CHODL: variants seen among roughly 807,000 people sequenced by gnomAD.
CHODL encodes transmembrane protein MT75.
In CHODL, 29 loss-of-function variants were observed where a neutral mutation model predicts 34.5. The ratio of observed to expected loss-of-function variants is 0.84; its 90% CI spans 0.63 to 1.15. CHODL has a LOEUF of 1.15. Ranked by LOEUF, CHODL falls within the 50% of genes most tolerant of loss-of-function variation. The probability of loss-of-function intolerance (pLI) is 0.00; values close to 1 mark genes in which losing one functional copy is unlikely to be tolerated. For missense variants in CHODL, 332 were observed against 332.5 expected (o/e 1.00, Z 0.01); for synonymous variants, 125 against 116.1 (o/e 1.08, Z -0.49).
intron 1 of CHODL, among the ~76,000 whole-genome samples, chr21:18,248,734 T>TAC (rs2074185844): frequency 8.3e-6 from 1 of 120,558 alleles, no homozygotes; most frequent in Non-Finnish European, 1.6e-5. Flanking sequence ...ATGTATATAA[T>TAC]ATATATGTAT....
upstream of CHODL, among the ~76,000 whole-genome samples, chr21:18,243,655 C>G (rs935686095): frequency 7.9e-5 from 12 of 151,842 alleles, no homozygotes; most frequent in Non-Finnish European, 1.6e-4. Context: ...TCTGGAATAG[C>G]TGGGACTCCA....
At chr21:18,121,762 C>T (rs1485207049) in intron 2 of CHODL, among the ~76,000 whole-genome samples, 4 of 152,058 alleles carry the variant, frequency 2.6e-5, no homozygotes, top group African/African-American at 7.2e-5. Flanking sequence ...GTTTTTAACT[C>T]TCTAACCACT....
intron 2 of CHODL, among the ~76,000 whole-genome samples, chr21:18,132,437 C>T (rs138111147): frequency 1.8e-4 from 27 of 152,258 alleles, no homozygotes; most frequent in African/African-American, 5.8e-4. Context: ...CCTTGGAAGG[C>T]ACTCAGCCTG....
chr21:17,967,094 A>G (rs2063578459), intron 1 of CHODL, among the ~76,000 whole-genome samples: 1 of 152,082 alleles, frequency 6.6e-6, no homozygotes, highest in African/African-American at 2.4e-5. Context: ...CATGTTGACC[A>G]TGCTAGTCTC....
intron 2 of CHODL, among the ~76,000 whole-genome samples, chr21:18,238,586 A>G (rs913464669): frequency 2.0e-5 from 3 of 152,018 alleles, no homozygotes; most frequent in Non-Finnish European, 4.4e-5. Context: ...AACCATACCA[A>G]TGTGGTTATG....
At chr21:18,264,623 A>AG (rs1555887582) in intron 5 of CHODL, among the ~76,000 whole-genome samples, 6 of 138,478 alleles carry the variant, frequency 4.3e-5, no homozygotes, top group Non-Finnish European at 6.1e-5. Context: ...AAAAAAAAAA[A>AG]AGAGAGAGAG....
chr21:18,174,121 G>T (rs1601104624), intron 2 of CHODL, among the ~76,000 whole-genome samples: 2 of 60,870 alleles, frequency 3.3e-5, no homozygotes, highest in South Asian at 5.9e-4. Context: ...ATATATCTTG[G>T]TGTATATATA....
At chr21:18,138,469 ATG>A (rs373678117) in intron 2 of CHODL, among the ~76,000 whole-genome samples, 72 of 152,322 alleles carry the variant, frequency 4.7e-4, no homozygotes, top group African/African-American at 1.6e-3. Flanking sequence ...ATCAATTAAA[ATG>A]TGACAGCTTT....
At chr21:17,942,414 A>G (rs2146332175) in intron 1 of CHODL, among the ~76,000 whole-genome samples, 1 of 152,240 alleles carries the variant, frequency 6.6e-6, no homozygotes, top group East Asian at 1.9e-4. Flanking sequence ...TCCCTGCACA[A>G]GCTCTCTTGT....
At chr21:18,156,545 G>A (rs1319358697) in intron 2 of CHODL, among the ~76,000 whole-genome samples, 2 of 152,096 alleles carry the variant, frequency 1.3e-5, no homozygotes, top group Non-Finnish European at 2.9e-5. Flanking sequence ...AAATTTGGAG[G>A]AACCTGATTT....
At chr21:17,968,744 G>A (rs11910306) in intron 1 of CHODL, among the ~76,000 whole-genome samples, 23,716 of 151,992 alleles carry the variant, frequency 0.16, 2,159 homozygotes, top group Middle Eastern at 0.27. Flanking sequence ...AGTTCATCTG[G>A]AATTTCTCAC....
chr21:18,183,545 T>C (rs1474205584), intron 2 of CHODL, among the ~76,000 whole-genome samples: 1 of 152,160 alleles, frequency 6.6e-6, no homozygotes, highest in Non-Finnish European at 1.5e-5. Flanking sequence ...TAATTTTCTC[T>C]TTTTTTCCCT....
intron 2 of CHODL, among the ~76,000 whole-genome samples, chr21:18,064,526 C>G (rs190473899): frequency 1.3e-4 from 20 of 152,274 alleles, no homozygotes; most frequent in African/African-American, 3.6e-4. Flanking sequence ...TGAACTGGGA[C>G]ATTGGTCTTT....
At chr21:17,947,712 G>A (rs538890412) in intron 1 of CHODL, among the ~76,000 whole-genome samples, 2 of 152,102 alleles carry the variant, frequency 1.3e-5, no homozygotes, top group Admixed American at 6.6e-5. Flanking sequence ...ATACACTCTG[G>A]GAATGTACCA....
At chr21:18,020,665 ATAGAC>A (rs2064119717) in intron 1 of CHODL, among the ~76,000 whole-genome samples, 1 of 152,178 alleles carries the variant, frequency 6.6e-6, no homozygotes, top group South Asian at 2.1e-4. Context: ...TGCATTTGTT[ATAGAC>A]TGAATGTTTG....
At position 18,113,330 on chromosome 21, in the gene CHODL, A is replaced by G. The variant is rs370380038; in HGVS notation, c.-45+85359A>G. Among the ~76,000 whole-genome samples the G allele has an allele frequency of 4.3e-5, 5 of 116,712 alleles. No homozygotes were observed. The East Asian group carries it at 1.4e-3, about 32-fold the overall frequency. The allele number at this position is 116,712 out of a possible 152,430, so 76.6% of individuals were successfully genotyped here. The stretch of plus-strand genomic sequence containing the variant: ...GGGAATGTAAATTAGTACAACCACT[A>G]TGGAGGACAGTCTGGGGGACCTCAA... On this transcript the variant is annotated intron_variant, in intron 2 of 6. Transcript: ENST00000400127.
At chr21:18,032,377 G>A (rs1055469492) in intron 2 of CHODL, among the ~76,000 whole-genome samples, 2 of 151,944 alleles carry the variant, frequency 1.3e-5, no homozygotes, top group Non-Finnish European at 2.9e-5. Flanking sequence ...ACATTAAGAA[G>A]TTAGGAAAAT....
intron 2 of CHODL, among the ~76,000 whole-genome samples, chr21:18,074,867 A>G (rs912851634): frequency 6.6e-6 from 1 of 152,164 alleles, no homozygotes; most frequent in Non-Finnish European, 1.5e-5. Flanking sequence ...AGGAGCCCGT[A>G]GAAAGAATGG....
At position 18,245,405 on chromosome 21, in the gene CHODL, C is replaced by T. The variant is rs114592090; in HGVS notation, c.79+103C>T. ...CGGAGGCTCTCCGGGGCGTTGGAAA[C>T]CTGCATGGTGTAAGGACCCGGGAGG... On this transcript the variant is annotated intron_variant, in intron 1 of 5. Transcript: ENST00000299295. 2,280 of 970,594 alleles carry T rather than the reference C, an allele frequency of 2.3e-3. 46 individuals carry two copies. In the African/African-American group the frequency reaches 0.033, roughly 14 times the overall value. The allele number at this position is 970,594 out of a possible 1,614,324, so 60.1% of individuals were successfully genotyped here. A position where few individuals can be genotyped will look rare whatever the true frequency, so the allele number is the denominator to read the frequency against.
Sources: allele counts gnomAD v4.1 joint callset (sites outside exome capture counted in the v4.1 genomes callset), GRCh38; gene constraint gnomAD v4.1.1; transcripts MANE v1.5; gene names NCBI Gene and HGNC (gene_info 2026-07-23, HGNC 2026-07-21).